The following JMJD1C variants were observed in gnomAD, a reference collection of about 807,000 sequenced individuals.
JMJD1C encodes jumonji domain containing 1C.
A neutral mutation model predicts 245.3 loss-of-function variants in JMJD1C; 31 were observed. The ratio of observed to expected loss-of-function variants is 0.13; its 90% confidence interval spans 0.09 to 0.17. The LOEUF (loss-of-function observed/expected upper bound fraction) is 0.17. Ranked by LOEUF, JMJD1C falls within the 10% of genes least tolerant of loss-of-function variation. The pLI is 1.00. For missense variants in JMJD1C, 2,691 were observed against 3,000.2 expected, an observed-to-expected ratio of 0.90 and a Z score of 2.41; for synonymous variants, 1,057 against 1,017.4, an observed-to-expected ratio of 1.04 and a Z score of -0.74.
At chr10:63,451,125 A>C (rs1295296163) in intron 1 of JMJD1C, among the ~76,000 whole-genome samples, 2 of 152,214 alleles carry the variant, frequency 1.3e-5, no homozygotes, top group Non-Finnish European at 2.9e-5. Flanking sequence ...ATATCAAAGG[A>C]AATTAAACAC....
chr10:63,171,404 C>G (rs1289232907), intron 24 of JMJD1C, among the ~76,000 whole-genome samples: 1 of 152,172 alleles, frequency 6.6e-6, no homozygotes, highest in East Asian at 1.9e-4. Flanking sequence ...TTTCCCTCAG[C>G]TTGCTAAGAT....
rs10995478 is a variant in JMJD1C, at chr10:63,254,769, C to T, written c.447+9882G>A. The stretch of plus-strand genomic sequence containing the variant: ...TTTGCCATGCTGCTCAGGCTGGTCT[C>T]GAGCTCCTGAGCTCAAGTGATCTGC... On this transcript the variant is annotated intron_variant, in intron 3 of 25. Transcript: ENST00000399262. Among the ~76,000 whole-genome samples, 28 of 152,122 alleles carry T rather than the reference C, an allele frequency of 1.8e-4. No individual in the cohort carries two copies. The East Asian group carries it at 5.4e-3, about 30-fold the overall frequency.
chr10:63,315,677 T>C (rs1939915631), intron 2 of JMJD1C, among the ~76,000 whole-genome samples: 1 of 151,424 alleles, frequency 6.6e-6, no homozygotes, highest in Admixed American at 6.6e-5. Flanking sequence ...CTGTCTCTAC[T>C]AAAAATACAA....
chr10:63,187,881 A>G (rs1157437145), intron 18 of JMJD1C, among the ~76,000 whole-genome samples: 9 of 152,186 alleles, frequency 5.9e-5, no homozygotes, highest in Admixed American at 5.9e-4. Flanking sequence ...CTAGAGTATA[A>G]TGTTAAAACT....
At chr10:63,195,280 G>A (rs1845317969) in intron 13 of JMJD1C, among the ~76,000 whole-genome samples, 1 of 151,718 alleles carries the variant, frequency 6.6e-6, no homozygotes, top group African/African-American at 2.4e-5. Context: ...TTGAACTCCA[G>A]GAGGTGCAGG....
chr10:63,167,995 G>T lies in JMJD1C; in HGVS notation c.*50C>A. The T allele has an allele frequency of 9.5e-7, 1 of 1,049,738 alleles. No individual in the cohort carries two copies. The highest frequency in any genetic ancestry group is 1.3e-5 in the South Asian group (1 of 79,580). The allele number at this position is 1,049,738 out of a possible 1,614,324, so 65.0% of individuals were successfully genotyped here. ...AGTGTGCATACATATCATCATTCAA[G>T]GTTAAGTAATCCCAGTTCAACAACC... On this transcript the variant is annotated 3_prime_UTR_variant, in exon 26 of 26. Coordinates refer to ENST00000399262, the MANE Select transcript of JMJD1C (RefSeq NM_032776.3).
intron 2 of JMJD1C, among the ~76,000 whole-genome samples, chr10:63,332,945 C>T (rs1487627164): frequency 6.6e-6 from 1 of 151,922 alleles, no homozygotes; most frequent in Admixed American, 6.6e-5. Context: ...ATTATCAGAC[C>T]ACAATACATA....
chr10:63,289,534 T>G (rs1337368068), intron 2 of JMJD1C, among the ~76,000 whole-genome samples: 2 of 152,186 alleles, frequency 1.3e-5, no homozygotes, highest in Non-Finnish European at 2.9e-5. Flanking sequence ...GCTTATAAAT[T>G]AAAGTTTCAA....
chr10:63,219,399 A>T (rs1197745481), intron 4 of JMJD1C, among the ~76,000 whole-genome samples: 1 of 152,186 alleles, frequency 6.6e-6, no homozygotes, highest in Non-Finnish European at 1.5e-5. Context: ...AATTGCTAAA[A>T]ATCGTCAAAC....
chr10:63,200,579 C>G lies in JMJD1C; in HGVS notation c.5173G>C (p.Gly1725Arg), dbSNP rs1845902051. 1.9e-6 allele frequency: 3 copies of G among 1,613,788 alleles called. No homozygotes were observed. The highest frequency in any genetic ancestry group is 1.7e-5 in the Admixed American group (1 of 59,990). The change falls in exon 11 of 26, where the codon GGG (glycine) becomes CGG (arginine). Residue 1725 changes from glycine (G) to arginine (R), a missense_variant. Physicochemically the swap from Gly to Arg is moderately radical, Grantham distance 125 (BLOSUM62 -2). Transcript: ENST00000399262. ...FLQDDSCCEI[G>R]PNLQKCRECR... ...TCTCGACACTTTTGTAAATTAGGCC[C>G]TATCTCACAGCAGGAGTCATCCTGT...
In JMJD1C at chr10:63,207,382, T is replaced by A; in HGVS notation, c.4287A>T (p.Ser1429=). 6.2e-7 allele frequency: 1 copy of A among 1,614,090 alleles called. No individual in the cohort carries two copies. The highest frequency in any genetic ancestry group is 8.5e-7 in the Non-Finnish European group (1 of 1,180,036). The change falls in exon 10 of 26, where the codon TCA becomes TCT. Residue 1429 remains serine, a synonymous_variant. Transcript: ENST00000399262. ...CACTTTTTGAAGATACACATTCTGA[T>A]GATGTAGAGGCCAAAATGGTATTTG... The part of the protein sequence containing the change: ...SLSNTILAST[S]SECVSSKSVS...
upstream of JMJD1C, among the ~76,000 whole-genome samples, chr10:63,467,247 G>A (rs1220187177): frequency 6.6e-6 from 1 of 151,420 alleles, no homozygotes; most frequent in East Asian, 1.9e-4. Flanking sequence ...GGTGCCTCAC[G>A]CCTGTAATCC....
chr10:63,326,423 AAT>A (rs987453913), intron 2 of JMJD1C, among the ~76,000 whole-genome samples: 13 of 150,452 alleles, frequency 8.6e-5, no homozygotes, highest in Non-Finnish European at 1.9e-4. Context: ...TAAATAAATA[AAT>A]AAAGATAATA....
chr10:63,393,418 T>G (rs10740121), intron 1 of JMJD1C, among the ~76,000 whole-genome samples: 1 of 152,214 alleles, frequency 6.6e-6, no homozygotes, highest in Non-Finnish European at 1.5e-5. Flanking sequence ...GAGAAAAGGG[T>G]ACTCTCATAT....
At chr10:63,504,546 C>CT (rs1235358859) in intron 1 of JMJD1C, among the ~76,000 whole-genome samples, 1 of 152,058 alleles carries the variant, frequency 6.6e-6, no homozygotes, top group Non-Finnish European at 1.5e-5. Flanking sequence ...AGGACTGAAG[C>CT]TTAGTGGGCC....
At chr10:63,389,489 TAACA>T (rs1564866283) in intron 1 of JMJD1C, among the ~76,000 whole-genome samples, 1 of 149,464 alleles carries the variant, frequency 6.7e-6, no homozygotes, top group African/African-American at 2.5e-5. Flanking sequence ...CACTGCATGC[TAACA>T]GACAGAAAAT....
chr10:63,483,393 CA>C (rs1249100683), intron 1 of JMJD1C, among the ~76,000 whole-genome samples: 2 of 152,142 alleles, frequency 1.3e-5, no homozygotes, highest in East Asian at 1.9e-4. Flanking sequence ...TTTTAGGAAA[CA>C]TAAGTTTTGG....
chr10:63,212,909 C>T (rs1015008521), intron 8 of JMJD1C, among the ~76,000 whole-genome samples: 17 of 150,274 alleles, frequency 1.1e-4, no homozygotes, highest in East Asian at 3.9e-4. Context: ...AAAAATTAGC[C>T]GGGCGCGGTG....
chr10:63,192,486 T>C (rs1169521569), intron 16 of JMJD1C, among the ~76,000 whole-genome samples: 1 of 152,102 alleles, frequency 6.6e-6, no homozygotes, highest in Non-Finnish European at 1.5e-5. Context: ...GACAATCACT[T>C]AAACCTGGGA....
Sources: allele counts gnomAD v4.1 joint callset (sites outside exome capture counted in the v4.1 genomes callset), GRCh38; gene constraint gnomAD v4.1.1; transcripts MANE v1.5; gene names NCBI Gene and HGNC (gene_info 2026-07-23, HGNC 2026-07-21).